SPMIP2: variants seen among roughly 807,000 people sequenced by gnomAD.
SPMIP2 encodes sperm microtubule inner protein 2, also known as protein SPMIP2.
chr4:158,988,401 C>T, the SPMIP2 span, among the ~76,000 whole-genome samples: 1 of 152,124 alleles, frequency 6.6e-6, no homozygotes, highest in East Asian at 1.9e-4. Flanking sequence ...ATGAGGCCAG[C>T]ATCATCCTGA....
the SPMIP2 span, among the ~76,000 whole-genome samples, chr4:158,984,700 T>C: frequency 5.3e-5 from 8 of 151,400 alleles, no homozygotes; most frequent in East Asian, 3.9e-4. Context: ...AAAATTGACA[T>C]CCTAACATAA....
the SPMIP2 span, among the ~76,000 whole-genome samples, chr4:159,073,859 C>T: frequency 5.9e-5 from 9 of 152,036 alleles, no homozygotes; most frequent in Non-Finnish European, 1.3e-4. Context: ...AAAAAATTAG[C>T]TGGGCATCAT....
chr4:158,893,423 G>GCACTTA, the SPMIP2 span: 39 of 346,520 alleles, frequency 1.1e-4, no homozygotes, highest in Non-Finnish European at 1.6e-4. Context: ...TAAAGCACTT[G>GCACTTA]GAATAGTGTT....
chr4:158,968,777 G>A, the SPMIP2 span, among the ~76,000 whole-genome samples: 1 of 152,150 alleles, frequency 6.6e-6, no homozygotes, highest in South Asian at 2.1e-4. Context: ...TTCATAGTGA[G>A]CAAAATGTCT....
At chr4:159,009,736 C>T in the SPMIP2 span, among the ~76,000 whole-genome samples, 3 of 152,026 alleles carry the variant, frequency 2.0e-5, no homozygotes, top group Admixed American at 6.6e-5. Context: ...TTAGGGAGGC[C>T]ATGGTGGGCA....
the SPMIP2 span, among the ~76,000 whole-genome samples, chr4:158,956,090 C>T: frequency 1.3e-5 from 2 of 152,188 alleles, no homozygotes; most frequent in African/African-American, 2.4e-5. Flanking sequence ...AATTCTTCAC[C>T]GGCTGCTATA....
chr4:159,080,425 G>A, the SPMIP2 span, among the ~76,000 whole-genome samples: 1 of 151,974 alleles, frequency 6.6e-6, no homozygotes, highest in Admixed American at 6.6e-5. Flanking sequence ...TCCCTATGCT[G>A]CCCAGGCTGG....
the SPMIP2 span, among the ~76,000 whole-genome samples, chr4:158,970,784 A>T: frequency 6.6e-6 from 1 of 152,062 alleles, no homozygotes; most frequent in African/African-American, 2.4e-5. Context: ...GTTATCTGAG[A>T]CAGCTAGACC....
chr4:158,940,006 G>C, the SPMIP2 span, among the ~76,000 whole-genome samples: 1 of 152,138 alleles, frequency 6.6e-6, no homozygotes, highest in Admixed American at 6.5e-5. Flanking sequence ...TTTTCAGGGG[G>C]CAAGACTACT....
At chr4:158,996,314 C>A in the SPMIP2 span, among the ~76,000 whole-genome samples, 1 of 152,172 alleles carries the variant, frequency 6.6e-6, no homozygotes, top group Admixed American at 6.5e-5. Context: ...ACATATTCAT[C>A]TCTCCTGAAA....
the SPMIP2 span, among the ~76,000 whole-genome samples, chr4:158,932,219 G>A: frequency 6.6e-6 from 1 of 152,220 alleles, no homozygotes; most frequent in East Asian, 1.9e-4. Context: ...ACAATTTCAA[G>A]AATTGTATGT....
At chr4:159,081,610 C>A in the SPMIP2 span, among the ~76,000 whole-genome samples, 12 of 151,778 alleles carry the variant, frequency 7.9e-5, no homozygotes, top group Admixed American at 7.9e-4. Context: ...ATCACATGAG[C>A]CTAGGAGGTG....
the SPMIP2 span, among the ~76,000 whole-genome samples, chr4:158,962,434 C>A: frequency 6.6e-6 from 1 of 152,148 alleles, no homozygotes; most frequent in Non-Finnish European, 1.5e-5. Context: ...AGAACGAATA[C>A]AATGGCAATG....
At chr4:159,011,926 G>A in the SPMIP2 span, among the ~76,000 whole-genome samples, 13 of 151,748 alleles carry the variant, frequency 8.6e-5, no homozygotes, top group African/African-American at 2.9e-4. Context: ...AGCTGGGCGT[G>A]GTGGTGTGCA....
chr4:159,005,698 G>T, the SPMIP2 span, among the ~76,000 whole-genome samples: 2 of 152,070 alleles, frequency 1.3e-5, no homozygotes, highest in African/African-American at 2.4e-5. Flanking sequence ...TTTCAATATT[G>T]ATTTCATATT....
chr4:158,924,886 A>G, the SPMIP2 span, among the ~76,000 whole-genome samples: 1 of 152,218 alleles, frequency 6.6e-6, no homozygotes, highest in African/African-American at 2.4e-5. Flanking sequence ...TAAATCAACC[A>G]CGCATTCCTG....
chr4:159,057,683 T>C, the SPMIP2 span, among the ~76,000 whole-genome samples: 1 of 152,138 alleles, frequency 6.6e-6, no homozygotes, highest in Non-Finnish European at 1.5e-5. Context: ...AATGGCATGT[T>C]TACCAAATAA....
At chr4:158,934,653 C>G in the SPMIP2 span, among the ~76,000 whole-genome samples, 137 of 152,186 alleles carry the variant, frequency 9.0e-4, 3 homozygotes, top group East Asian at 0.019. Context: ...CCCTACCCAC[C>G]TGTCACCCCT....
At chr4:158,940,763 T>A in the SPMIP2 span, among the ~76,000 whole-genome samples, 1 of 152,220 alleles carries the variant, frequency 6.6e-6, no homozygotes, top group African/African-American at 2.4e-5. Context: ...CTTGTGAATG[T>A]TCATGGATAC....
Sources: gnomAD v4.1 joint callset for allele counts (sites outside exome capture counted in the v4.1 genomes callset) on GRCh38, gnomAD v4.1.1 for gene constraint, MANE v1.5 for transcripts, NCBI Gene and HGNC (gene_info 2026-07-23, HGNC 2026-07-21) for gene names.